Variants in SLC36A1 observed in about 807,000 individuals in gnomAD.
The protein encoded by SLC36A1 is proton-coupled amino acid transporter 1.
SLC36A1 carries 30 observed loss-of-function variants against 47.5 expected under a neutral mutation model. The observed-to-expected ratio is 0.63, with a 90% CI of 0.47 to 0.86. The LOEUF is 0.86. Among genes scored for constraint, SLC36A1 ranks in the 40% least tolerant of loss-of-function variants. SLC36A1 has a pLI of 0.00. For missense variants in SLC36A1, 517 were observed against 606.0 expected (o/e 0.85, Z 1.54); for synonymous variants, 255 against 249.7 (o/e 1.02, Z -0.20).
At chr5:151,375,527 G>A in the SLC36A1 span, among the ~76,000 whole-genome samples, 2 of 152,070 alleles carry the variant, frequency 1.3e-5, no homozygotes, top group South Asian at 2.1e-4. Context: ...TGCTTTGGAT[G>A]CTTTGGCTAT....
chr5:151,520,793 C>A, the SLC36A1 span, among the ~76,000 whole-genome samples: 1 of 152,190 alleles, frequency 6.6e-6, no homozygotes, highest in Non-Finnish European at 1.5e-5. Context: ...GAGCTTATAA[C>A]CACCAGACTA....
the SLC36A1 span, among the ~76,000 whole-genome samples, chr5:151,394,842 G>A: frequency 3.9e-5 from 6 of 152,188 alleles, no homozygotes; most frequent in East Asian, 3.9e-4. Flanking sequence ...TAGGCTACTC[G>A]GGGGTCAGGG....
At chr5:151,405,541 C>T in the SLC36A1 span, among the ~76,000 whole-genome samples, 1 of 151,928 alleles carries the variant, frequency 6.6e-6, no homozygotes, top group African/African-American at 2.4e-5. Flanking sequence ...AGCTTTCTTG[C>T]CGTTCTATAT....
chr5:151,481,400 C>G (rs563260549), intron 10 of SLC36A1, among the ~76,000 whole-genome samples: 18 of 152,346 alleles, frequency 1.2e-4, no homozygotes, highest in Admixed American at 1.2e-3. Flanking sequence ...TTCATGGCAG[C>G]AGCAACTTAA....
the SLC36A1 span, chr5:151,517,636 G>A: frequency 5.0e-6 from 8 of 1,614,130 alleles, no homozygotes; most frequent in South Asian, 3.3e-5. Context: ...GGAGACGGAC[G>A]CTGTTTCATT....
chr5:151,482,048 A>G (rs921844411), intron 10 of SLC36A1, among the ~76,000 whole-genome samples: 2 of 152,126 alleles, frequency 1.3e-5, no homozygotes, highest in Non-Finnish European at 2.9e-5. Context: ...AATTTCAGAA[A>G]CCTATTTCTG....
At chr5:151,453,058 G>T (rs1753900737) in intron 1 of SLC36A1, among the ~76,000 whole-genome samples, 1 of 150,440 alleles carries the variant, frequency 6.6e-6, no homozygotes, top group South Asian at 2.1e-4. Flanking sequence ...AAAAAAATTA[G>T]CCAGTTGTGG....
chr5:151,370,419 T>C, the SLC36A1 span, among the ~76,000 whole-genome samples: 1 of 152,176 alleles, frequency 6.6e-6, no homozygotes, highest in African/African-American at 2.4e-5. Context: ...CTTTTTTTTT[T>C]TGTTAGGCTC....
chr5:151,361,860 G>GT, the SLC36A1 span, among the ~76,000 whole-genome samples: 19 of 151,488 alleles, frequency 1.3e-4, no homozygotes, highest in South Asian at 2.1e-4. Context: ...TTGGATGACA[G>GT]TTTTTTTTTC....
the SLC36A1 span, among the ~76,000 whole-genome samples, chr5:151,350,879 G>T: frequency 6.6e-6 from 1 of 151,960 alleles, no homozygotes; most frequent in Non-Finnish European, 1.5e-5. Flanking sequence ...TGTATTTTTT[G>T]TAGTGATGGG....
intron 10 of SLC36A1, among the ~76,000 whole-genome samples, chr5:151,485,085 C>T (rs972991071): frequency 6.6e-6 from 1 of 152,154 alleles, no homozygotes; most frequent in African/African-American, 2.4e-5. Flanking sequence ...CATCAGCCTA[C>T]AATTTTACCT....
the SLC36A1 span, chr5:151,510,093 A>G: frequency 6.2e-7 from 1 of 1,614,218 alleles, no homozygotes; most frequent in South Asian, 1.1e-5. Context: ...TCCACCTTCC[A>G]GGCAGGGTGC....
the SLC36A1 span, chr5:151,549,435 A>T: frequency 6.2e-7 from 1 of 1,614,098 alleles, no homozygotes; most frequent in Non-Finnish European, 8.5e-7. Flanking sequence ...GGGTGGGTGG[A>T]GGTTTCCATC....
chr5:151,420,452 G>T, the SLC36A1 span, among the ~76,000 whole-genome samples: 10 of 152,120 alleles, frequency 6.6e-5, no homozygotes, highest in African/African-American at 2.4e-4. Flanking sequence ...CCTATGACAC[G>T]CTGCTGCTTC....
the SLC36A1 span, among the ~76,000 whole-genome samples, chr5:151,405,495 T>G: frequency 1.3e-5 from 2 of 152,052 alleles, no homozygotes; most frequent in Non-Finnish European, 1.5e-5. Flanking sequence ...ATTACAGGTA[T>G]GAGCCACTGC....
the SLC36A1 span, among the ~76,000 whole-genome samples, chr5:151,497,914 A>T: frequency 8.0e-5 from 12 of 149,572 alleles, no homozygotes; most frequent in East Asian, 2.3e-3. Context: ...TTTGGTGCCC[A>T]CCTACCTTTA....
At chr5:151,390,237 A>G in the SLC36A1 span, among the ~76,000 whole-genome samples, 2 of 151,968 alleles carry the variant, frequency 1.3e-5, no homozygotes, top group Non-Finnish European at 2.9e-5. Context: ...CATATCCTTC[A>G]CCCATTTGTT....
chr5:151,361,671 T>C, the SLC36A1 span, among the ~76,000 whole-genome samples: 9 of 152,228 alleles, frequency 5.9e-5, no homozygotes, highest in Non-Finnish European at 1.0e-4. Context: ...CTTTTATCAG[T>C]AGGTTTTATA....
rs143654306 is a variant in SLC36A1, at chr5:151,467,043, G to A, written c.420-156G>A. Among the ~76,000 whole-genome samples, 584 of 152,210 alleles carry A rather than the reference G, an allele frequency of 3.8e-3. 6 individuals carry two copies. Among genetic ancestry groups the A allele is most frequent in the African/African-American group, 0.013 (540 of 41,520 alleles). On this transcript the variant is annotated intron_variant, in intron 5 of 10. Transcript: ENST00000243389. ...TGTTTGGGTGATGGGTACACTAAACGCCCAGGCACTACCACTATGCAGTAT... is the reference window on the plus strand; with the variant it reads ...TGTTTGGGTGATGGGTACACTAAACACCCAGGCACTACCACTATGCAGTAT...
Sources: gnomAD v4.1 joint callset for allele counts (sites outside exome capture counted in the v4.1 genomes callset) on GRCh38, gnomAD v4.1.1 for gene constraint, MANE v1.5 for transcripts, NCBI Gene and HGNC (gene_info 2026-07-23, HGNC 2026-07-21) for gene names.